Variants in ATRX observed in about 807,000 individuals in gnomAD.
ATRX encodes the protein ATRX chromatin remodeler, also known as chromatin remodeler ATRX.
In ATRX, 12 loss-of-function variants were observed where a neutral mutation model predicts 172.6. That is an observed-to-expected ratio of 0.07 (90% confidence interval 0.04 to 0.11). The LOEUF (loss-of-function observed/expected upper bound fraction) is 0.11, where lower values mean the gene tolerates loss of function less well. Ranked by LOEUF, ATRX falls within the 10% of genes least tolerant of loss-of-function variation. The pLI, the probability that ATRX is intolerant of heterozygous loss-of-function variation, is 1.00. For synonymous variants in ATRX, 674 were observed against 594.7 expected (o/e 1.13, Z -1.94); for missense variants, 1,368 against 1,767.4 (o/e 0.77, Z 4.05).
intron 2 of ATRX, among the ~76,000 whole-genome samples, chrX:77,702,746 G>A (rs782064538): frequency 9.1e-6 from 1 of 110,417 alleles, no homozygotes; most frequent in Non-Finnish European, 1.9e-5. Flanking sequence ...TTTTTACTAG[G>A]GACAGAGTCT....
At chrX:77,545,958 G>GT (rs1271480449) in intron 30 of ATRX, among the ~76,000 whole-genome samples, 2 of 111,153 alleles carry the variant, frequency 1.8e-5, no homozygotes, top group African/African-American at 3.3e-5. Context: ...CTCTGACACT[G>GT]TAAGATTGTG....
intron 1 of ATRX, among the ~76,000 whole-genome samples, chrX:77,718,947 T>C (rs2073599137): frequency 9.1e-6 from 1 of 110,305 alleles, no homozygotes; most frequent in African/African-American, 3.3e-5. Flanking sequence ...AGCACACAAC[T>C]ATACTCTTAG....
At chrX:77,670,093 G>T (rs958326402) in intron 10 of ATRX, among the ~76,000 whole-genome samples, 4 of 111,791 alleles carry the variant, frequency 3.6e-5, no homozygotes, top group South Asian at 3.7e-4. Context: ...ATTCTACAAT[G>T]ACCATTTTAT....
intron 1 of ATRX, among the ~76,000 whole-genome samples, chrX:77,780,938 C>CA (rs1191287289): frequency 9.3e-6 from 1 of 107,750 alleles, no homozygotes; most frequent in African/African-American, 3.4e-5. Flanking sequence ...GACCTTGTCC[C>CA]AAAAAAAAAT....
At chrX:77,581,984 T>C (rs782077679) in intron 27 of ATRX, among the ~76,000 whole-genome samples, 2 of 111,674 alleles carry the variant, frequency 1.8e-5, no homozygotes, top group Non-Finnish European at 3.8e-5. Context: ...AAAATGATAA[T>C]GGAAACACAA....
chrX:77,647,450 T>C (rs1199121853), intron 15 of ATRX, among the ~76,000 whole-genome samples: 2 of 111,695 alleles, frequency 1.8e-5, no homozygotes, highest in African/African-American at 3.3e-5. Context: ...GATGGATGCA[T>C]AGATAAGACA....
At chrX:77,736,907 C>T (rs1220552830) in intron 1 of ATRX, among the ~76,000 whole-genome samples, 2 of 111,330 alleles carry the variant, frequency 1.8e-5, no homozygotes, top group Non-Finnish European at 3.8e-5. Flanking sequence ...AATGAGATCC[C>T]GTCATTTGCA....
intron 19 of ATRX, among the ~76,000 whole-genome samples, chrX:77,622,485 A>G (rs1557100632): frequency 9.0e-6 from 1 of 111,450 alleles, no homozygotes; most frequent in Non-Finnish European, 1.9e-5. Flanking sequence ...AGCTTGCTGG[A>G]TCCCCAAGCA....
At chrX:77,520,643 G>C (rs1315123299) in intron 34 of ATRX, 145 bp downstream of exon 34, 1 of 661,473 alleles carries the variant, frequency 1.5e-6, no homozygotes, top group Non-Finnish European at 2.1e-6. Context: ...ACATTCCTGG[G>C]TTTTTTACAT....
At position 77,786,169 on chromosome X, in the gene ATRX, C is replaced by A; in HGVS notation, c.-168G>T. ...CTACCACTGCCACCGCCGCAGGAGC[C>A]GCGGAAACAAAGCGACACCGCTGCC... On this transcript the variant is annotated 5_prime_UTR_variant, in exon 1 of 35. Coordinates refer to ENST00000373344, the MANE Select transcript of ATRX (RefSeq NM_000489.6). The A allele has an allele frequency of 1.8e-6, 1 of 562,882 alleles. No individual in the cohort carries two copies. The highest frequency in any genetic ancestry group is 3.3e-5 in the South Asian group (1 of 29,988). 46.4% of individuals were successfully genotyped at this position (562,882 alleles called of 1,213,427 possible). A position where few individuals can be genotyped will look rare whatever the true frequency, so the allele number is the denominator to read the frequency against.
At position 77,696,572 on chromosome X, in the gene ATRX, A is replaced by G. The variant is rs1557149836; in HGVS notation, c.370+5T>C. The stretch of plus-strand genomic sequence containing the variant: ...TTAACTTCATGAAAAATTAACACAC[A>G]TTACCTTTTGGCAAGCTCTGCATAG... On this transcript the variant is annotated splice_donor_5th_base_variant and intron_variant, in intron 5 of 34. Transcript: ENST00000373344. 5 of 1,205,120 alleles carry G rather than the reference A, an allele frequency of 4.1e-6. No individual in the cohort carries two copies. Among genetic ancestry groups the G allele is most frequent in the Admixed American group, 2.2e-5 (1 of 45,837 alleles).
rs1245160722 is a variant in ATRX, at chrX:77,735,066, T to C, written c.21-17823A>G. 8.1e-5 allele frequency among the ~76,000 whole-genome samples: 9 copies of C among 110,445 alleles called. No individual in the cohort carries two copies. In the Admixed American group the frequency reaches 8.7e-4, roughly 11 times the overall value. On this transcript the variant is annotated intron_variant, in intron 1 of 34. Transcript: ENST00000373344. ...CACATCACACCACTGCACTCCAGCC[T>C]GGGTGATGGAATGAGACTCTGTCTC...
Position 77,688,810 on chromosome X carries a change from T to C in ATRX, c.594+8A>G, listed in dbSNP as rs1557145476. 3 of 1,159,174 alleles carry C rather than the reference T, an allele frequency of 2.6e-6. No individual in the cohort carries two copies. Among genetic ancestry groups the C allele is most frequent in the Non-Finnish European group, 3.5e-6 (3 of 849,301 alleles). ...TACGGTATGAAATATCAACAGATCA[T>C]TACATACCTTACAAATAAGAACTTG... On this transcript the variant is annotated splice_region_variant and intron_variant, in intron 7 of 34. Coordinates refer to ENST00000373344, the MANE Select transcript of ATRX (RefSeq NM_000489.6).
intron 7 of ATRX, among the ~76,000 whole-genome samples, chrX:77,686,386 TATGTGTGC>T (rs1213286666): frequency 9.0e-6 from 1 of 110,680 alleles, no homozygotes; most frequent in African/African-American, 3.3e-5. Context: ...AAAAAGGGAG[TATGTGTGC>T]ATGTTTCAGA....
At chrX:77,558,274 TAAAC>T (rs781882765) in intron 29 of ATRX, among the ~76,000 whole-genome samples, 3 of 110,655 alleles carry the variant, frequency 2.7e-5, no homozygotes, top group South Asian at 3.8e-4. Context: ...ATTGAATAAA[TAAAC>T]AAATAACAGG....
At chrX:77,654,780 T>C (rs2069455163) in intron 13 of ATRX, among the ~76,000 whole-genome samples, 1 of 111,881 alleles carries the variant, frequency 8.9e-6, no homozygotes, top group South Asian at 3.7e-4. Context: ...AGAATTACCA[T>C]GCAATTCCTT....
intron 30 of ATRX, among the ~76,000 whole-genome samples, chrX:77,535,544 T>C (rs2063720059): frequency 8.9e-6 from 1 of 112,040 alleles, no homozygotes; most frequent in Non-Finnish European, 1.9e-5. Flanking sequence ...AGTGACATTC[T>C]AGAGGTTGCA....
chrX:77,656,512 G>A (rs782332786), intron 13 of ATRX, 48 bp downstream of exon 13: 17 of 951,482 alleles, frequency 1.8e-5, no homozygotes, highest in Non-Finnish European at 2.0e-5. Flanking sequence ...TTGAAGGCAT[G>A]GTCATTCAGA....
chrX:77,772,453 G>A (rs186081065), intron 1 of ATRX, among the ~76,000 whole-genome samples: 1,114 of 101,422 alleles, frequency 0.011, 56 homozygotes, highest in Admixed American at 0.11. Context: ...GAAACATAGC[G>A]AGATCCCTTC....
Sources: allele counts gnomAD v4.1 joint callset (sites outside exome capture counted in the v4.1 genomes callset), GRCh38; gene constraint gnomAD v4.1.1; transcripts MANE v1.5; gene names NCBI Gene and HGNC (gene_info 2026-07-23, HGNC 2026-07-21).